Variants in ZNF804A observed in about 807,000 individuals in gnomAD.
ZNF804A encodes the protein zinc finger protein 804A.
In ZNF804A, 2 loss-of-function variants were observed where a neutral mutation model predicts 16.5. The observed-to-expected ratio is 0.12, with a 90% CI of 0.05 to 0.38. ZNF804A has a LOEUF of 0.38. Among genes scored for constraint, ZNF804A ranks in the 10% least tolerant of loss-of-function variants. The probability of loss-of-function intolerance (pLI) is 0.99; values close to 1 mark genes in which losing one functional copy is unlikely to be tolerated. For synonymous variants in ZNF804A, 534 were observed against 489.6 expected (o/e 1.09, Z -1.20); for missense variants, 1,473 against 1,390.7 (o/e 1.06, Z -0.94).
chr2:184,841,327 A>G (rs942622389), intron 1 of ZNF804A, among the ~76,000 whole-genome samples: 1 of 152,174 alleles, frequency 6.6e-6, no homozygotes. Flanking sequence ...TATTTTTGTT[A>G]CTAAACAGAA....
At chr2:184,875,454 C>T (rs1259017457) in intron 2 of ZNF804A, among the ~76,000 whole-genome samples, 1 of 152,120 alleles carries the variant, frequency 6.6e-6, no homozygotes, top group Non-Finnish European at 1.5e-5. Context: ...GTGATCTTCC[C>T]ATGCTGGCTC....
intron 1 of ZNF804A, among the ~76,000 whole-genome samples, chr2:184,803,907 G>A (rs1206397001): frequency 2.0e-5 from 3 of 152,018 alleles, no homozygotes; most frequent in Admixed American, 6.6e-5. Flanking sequence ...CTGTCACCCA[G>A]GCTGGAGTGC....
At chr2:184,859,639 G>A (rs1695761651) in intron 1 of ZNF804A, among the ~76,000 whole-genome samples, 2 of 152,128 alleles carry the variant, frequency 1.3e-5, no homozygotes, top group South Asian at 4.2e-4. Flanking sequence ...TGTTCTTTTG[G>A]TGATGTTCTT....
At chr2:184,733,602 T>G (rs1693558103) in intron 1 of ZNF804A, among the ~76,000 whole-genome samples, 1 of 152,188 alleles carries the variant, frequency 6.6e-6, no homozygotes, top group Admixed American at 6.5e-5. Context: ...TACTATAATT[T>G]CTTCCTTACA....
chr2:184,680,461 G>A (rs143097614), intron 1 of ZNF804A, among the ~76,000 whole-genome samples: 2,281 of 152,324 alleles, frequency 0.015, 24 homozygotes, highest in Non-Finnish European at 0.025. Context: ...CCCACTATGG[G>A]TCTCCTCACT....
intron 1 of ZNF804A, among the ~76,000 whole-genome samples, chr2:184,839,019 A>G (rs1268509473): frequency 1.3e-5 from 2 of 152,108 alleles, no homozygotes; most frequent in Non-Finnish European, 2.9e-5. Context: ...TGTCCAGAGA[A>G]TTGAACATTG....
At chr2:184,759,044 T>C (rs980797062) in intron 1 of ZNF804A, among the ~76,000 whole-genome samples, 3 of 151,594 alleles carry the variant, frequency 2.0e-5, no homozygotes, top group Non-Finnish European at 2.9e-5. Flanking sequence ...GAAGTGCTTA[T>C]AGAATGTAGT....
chr2:184,785,450 C>G (rs1481739171), intron 1 of ZNF804A, among the ~76,000 whole-genome samples: 1 of 151,818 alleles, frequency 6.6e-6, no homozygotes, highest in East Asian at 1.9e-4. Flanking sequence ...TTAAAACCAC[C>G]CTTATCATCA....
chr2:184,905,934 T>C (rs1574265415), intron 2 of ZNF804A, among the ~76,000 whole-genome samples: 1 of 152,232 alleles, frequency 6.6e-6, no homozygotes. Flanking sequence ...TGGACTGCTA[T>C]GTTCCTTAGC....
chr2:184,694,071 G>A (rs1196112579), intron 1 of ZNF804A, among the ~76,000 whole-genome samples: 1 of 151,258 alleles, frequency 6.6e-6, no homozygotes, highest in Non-Finnish European at 1.5e-5. Flanking sequence ...TGGGATTACA[G>A]GTGTGTGTGA....
chr2:184,647,055 T>C (rs1691889083), intron 1 of ZNF804A, among the ~76,000 whole-genome samples: 1 of 152,108 alleles, frequency 6.6e-6, no homozygotes, highest in Non-Finnish European at 1.5e-5. Flanking sequence ...ATAAAAACCA[T>C]CAACTGGCTC....
At chr2:184,884,250 G>T (rs1212975577) in intron 2 of ZNF804A, among the ~76,000 whole-genome samples, 1 of 152,060 alleles carries the variant, frequency 6.6e-6, no homozygotes, top group Admixed American at 6.6e-5. Context: ...AACCAGGGAG[G>T]TGAAAGATCT....
At chr2:184,738,868 T>C (rs1344230327) in intron 1 of ZNF804A, among the ~76,000 whole-genome samples, 1 of 152,212 alleles carries the variant, frequency 6.6e-6, no homozygotes, top group Non-Finnish European at 1.5e-5. Context: ...GTTTTGCAGA[T>C]ATAAAACACT....
intron 2 of ZNF804A, among the ~76,000 whole-genome samples, chr2:184,897,745 G>A (rs901583506): frequency 9.9e-5 from 15 of 151,904 alleles, no homozygotes; most frequent in African/African-American, 2.9e-4. Flanking sequence ...TGGCCATTAG[G>A]AACTCTTTCC....
At chr2:184,776,258 T>A (rs1480139892) in intron 1 of ZNF804A, among the ~76,000 whole-genome samples, 1 of 151,510 alleles carries the variant, frequency 6.6e-6, no homozygotes, top group Non-Finnish European at 1.5e-5. Flanking sequence ...GAGGGAAGAT[T>A]TCTTTGAGAG....
At position 184,756,739 on chromosome 2, in the gene ZNF804A, G is replaced by A. The variant is rs576224051; in HGVS notation, c.112-109630G>A. Among the ~76,000 whole-genome samples the A allele has an allele frequency of 1.8e-4, 28 of 151,992 alleles. No individual in the cohort carries two copies. The East Asian group carries it at 5.4e-3, about 30-fold the overall frequency. The stretch of plus-strand genomic sequence containing the variant: ...AGACATTTAAATACATGTGTGTATA[G>A]GTGTACGAGTGTGTATAGGTGTAAC... On this transcript the variant is annotated intron_variant, in intron 1 of 3. Coordinates refer to ENST00000302277, the MANE Select transcript of ZNF804A (RefSeq NM_194250.2).
intron 1 of ZNF804A, among the ~76,000 whole-genome samples, chr2:184,738,259 A>G (rs920819709): frequency 6.6e-6 from 1 of 152,148 alleles, no homozygotes; most frequent in Non-Finnish European, 1.5e-5. Context: ...AGTTTTGAGA[A>G]ATTGATGGAT....
rs1690987463 is a variant in ZNF804A at position 184,598,548 on chromosome 2, G to C, written c.-412G>C. On this transcript the variant is annotated 5_prime_UTR_variant, in exon 1 of 4. Transcript: ENST00000302277. ...AGCAGCAACTCCGAGTGCAGGCGCCGAGCGCGGGGGATGCTGCCGCCGCCG... is the reference window on the plus strand; with the variant it reads ...AGCAGCAACTCCGAGTGCAGGCGCCCAGCGCGGGGGATGCTGCCGCCGCCG... 1 of 155,886 alleles carries C rather than the reference G, an allele frequency of 6.4e-6. No homozygotes were observed. The highest frequency in any genetic ancestry group is 1.4e-5 in the Non-Finnish European group (1 of 70,990). 9.7% of individuals were successfully genotyped at this position (155,886 alleles called of 1,614,324 possible).
chr2:184,802,614 C>A (rs1694744786), intron 1 of ZNF804A, among the ~76,000 whole-genome samples: 1 of 152,176 alleles, frequency 6.6e-6, no homozygotes, highest in Admixed American at 6.5e-5. Context: ...TCACTTCTTT[C>A]TCCAGATTTT....
Sources: gnomAD v4.1 joint callset for allele counts (sites outside exome capture counted in the v4.1 genomes callset) on GRCh38, gnomAD v4.1.1 for gene constraint, MANE v1.5 for transcripts, NCBI Gene and HGNC (gene_info 2026-07-23, HGNC 2026-07-21) for gene names.